TP63: variants seen among roughly 807,000 people sequenced by gnomAD.
TP63 encodes the protein tumor protein 63.
A neutral mutation model predicts 82.8 loss-of-function variants in TP63; 17 were observed. The observed-to-expected ratio is 0.21, with a 90% CI of 0.14 to 0.31. TP63 has a LOEUF of 0.31. Among genes scored for constraint, TP63 ranks in the 10% least tolerant of loss-of-function variants. The pLI, the probability that TP63 is intolerant of heterozygous loss-of-function variation, is 1.00. For missense variants in TP63, 648 were observed against 895.3 expected (o/e 0.72, Z 3.52); for synonymous variants, 330 against 321.7 (o/e 1.03, Z -0.28).
intron 1 of TP63, among the ~76,000 whole-genome samples, chr3:189,662,664 A>G (rs1714028569): frequency 6.6e-6 from 1 of 152,068 alleles, no homozygotes; most frequent in Admixed American, 6.6e-5. Context: ...TCAAATATAT[A>G]GTACAGTATT....
intron 1 of TP63, among the ~76,000 whole-genome samples, chr3:189,675,582 A>G (rs796168465): frequency 1.3e-5 from 2 of 152,020 alleles, no homozygotes; most frequent in Non-Finnish European, 2.9e-5. Context: ...CATATTCCCA[A>G]CCCATAGATT....
At chr3:189,876,309 G>A (rs1432747927) in intron 10 of TP63, among the ~76,000 whole-genome samples, 6 of 152,146 alleles carry the variant, frequency 3.9e-5, no homozygotes, top group African/African-American at 4.8e-5. Flanking sequence ...TTTTCTATAC[G>A]ATGAGTATCC....
intron 1 of TP63, among the ~76,000 whole-genome samples, chr3:189,704,608 A>C (rs1718063826): frequency 6.6e-6 from 1 of 152,176 alleles, no homozygotes; most frequent in African/African-American, 2.4e-5. Flanking sequence ...CTAGGCTATA[A>C]ATTTAAGGAA....
chr3:189,608,114 T>C, the TP63 span, among the ~76,000 whole-genome samples: 1 of 152,230 alleles, frequency 6.6e-6, no homozygotes, highest in South Asian at 2.1e-4. Flanking sequence ...TTTATGGAGG[T>C]AATCAAATTT....
intron 3 of TP63, among the ~76,000 whole-genome samples, chr3:189,743,503 AACACAC>A (rs10524434): frequency 3.3e-5 from 5 of 150,870 alleles, no homozygotes; most frequent in Non-Finnish European, 4.4e-5. Context: ...TACAAACACA[AACACAC>A]ACACACACAC....
At chr3:189,724,458 T>C (rs1015836791) in intron 1 of TP63, among the ~76,000 whole-genome samples, 1 of 152,136 alleles carries the variant, frequency 6.6e-6, no homozygotes, top group Non-Finnish European at 1.5e-5. Flanking sequence ...CGATTTGTAG[T>C]CTTTTATCCC....
intron 4 of TP63, among the ~76,000 whole-genome samples, chr3:189,831,001 C>A (rs548270517): frequency 6.6e-6 from 1 of 152,188 alleles, no homozygotes; most frequent in Non-Finnish European, 1.5e-5. Context: ...CAAAGTTCCT[C>A]TACCAGCTTT....
At chr3:189,651,341 T>C (rs1577177647) in intron 1 of TP63, among the ~76,000 whole-genome samples, 2 of 144,380 alleles carry the variant, frequency 1.4e-5, no homozygotes, top group African/African-American at 2.6e-5. Flanking sequence ...AGGTCAGGAG[T>C]TCAAGACCAG....
In TP63 at chr3:189,881,375, T is replaced by C; in HGVS notation, c.1350-5019T>C. On this transcript the variant is annotated intron_variant, in intron 10 of 13. Coordinates refer to ENST00000264731, the MANE Select transcript of TP63 (RefSeq NM_003722.5). ...TTAAAAATGTTCCTCCCCTCCATCT[T>C]CCCACACCCAGTCACCAGCACTGTA... 4 of 985,412 alleles carry C rather than the reference T, an allele frequency of 4.1e-6. No homozygotes were observed. The South Asian group carries it at 1.9e-4, about 46-fold the overall frequency. The allele number at this position is 985,412 out of a possible 1,614,324, so 61.0% of individuals were successfully genotyped here. A position where few individuals can be genotyped will look rare whatever the true frequency, so the allele number is the denominator to read the frequency against.
chr3:189,778,792 T>A (rs1352803783), intron 3 of TP63, among the ~76,000 whole-genome samples: 1 of 152,246 alleles, frequency 6.6e-6, no homozygotes, highest in East Asian at 1.9e-4. Flanking sequence ...CCTTTAACTT[T>A]GTAGCTTAAA....
At chr3:189,793,890 T>C (rs1454363762) in intron 3 of TP63, among the ~76,000 whole-genome samples, 1 of 152,114 alleles carries the variant, frequency 6.6e-6, no homozygotes, top group Non-Finnish European at 1.5e-5. Context: ...ATAGCATTAT[T>C]GTCCAGTGCC....
chr3:189,856,690 G>T (rs1319484639), intron 4 of TP63, among the ~76,000 whole-genome samples: 3 of 151,892 alleles, frequency 2.0e-5, no homozygotes, highest in African/African-American at 7.3e-5. Flanking sequence ...CATTATACAT[G>T]AATTAATTAG....
intron 1 of TP63, among the ~76,000 whole-genome samples, chr3:189,714,182 C>T (rs1042881013): frequency 2.0e-5 from 3 of 152,060 alleles, no homozygotes; most frequent in African/African-American, 7.2e-5. Flanking sequence ...TGATGCAAAG[C>T]GTCACAGGAC....
intron 3 of TP63, among the ~76,000 whole-genome samples, chr3:189,744,638 C>T (rs532625682): frequency 1.7e-4 from 26 of 152,338 alleles, no homozygotes; most frequent in African/African-American, 5.3e-4. Context: ...CAGGCTGTCA[C>T]AGCTACTGTC....
At chr3:189,834,371 CAG>C (rs893861388) in intron 4 of TP63, among the ~76,000 whole-genome samples, 9 of 151,800 alleles carry the variant, frequency 5.9e-5, no homozygotes, top group South Asian at 2.1e-4. Flanking sequence ...GGAGGAAAGA[CAG>C]GGGAAATTAT....
the TP63 span, among the ~76,000 whole-genome samples, chr3:189,620,131 G>A: frequency 5.3e-5 from 8 of 152,220 alleles, no homozygotes; most frequent in Non-Finnish European, 1.2e-4. Flanking sequence ...CCAGCACTTT[G>A]GGAGGCCGAG....
At chr3:189,759,196 T>A (rs1722392561) in intron 3 of TP63, among the ~76,000 whole-genome samples, 1 of 152,172 alleles carries the variant, frequency 6.6e-6, no homozygotes, top group South Asian at 2.1e-4. Context: ...ATCTAAGAAC[T>A]TGTTAAGAAA....
At chr3:189,785,731 G>GC (rs34852251) in intron 3 of TP63, among the ~76,000 whole-genome samples, 1,595 of 152,094 alleles carry the variant, frequency 0.01, 34 homozygotes, top group African/African-American at 0.037. Context: ...GGCCTTGAAT[G>GC]CCATTCTAAG....
At chr3:189,837,173 A>G (rs1485489672) in intron 4 of TP63, among the ~76,000 whole-genome samples, 1 of 151,802 alleles carries the variant, frequency 6.6e-6, no homozygotes, top group African/African-American at 2.4e-5. Flanking sequence ...TCCCTTCTGC[A>G]TGCCCTGTCT....
Sources: gnomAD v4.1 joint callset for allele counts (sites outside exome capture counted in the v4.1 genomes callset) on GRCh38, gnomAD v4.1.1 for gene constraint, MANE v1.5 for transcripts, NCBI Gene and HGNC (gene_info 2026-07-23, HGNC 2026-07-21) for gene names.